GRIP1: variants seen among roughly 807,000 people sequenced by gnomAD.
The protein encoded by GRIP1 is glutamate receptor interacting protein 1, also known as glutamate receptor-interacting protein 1.
GRIP1 carries 45 observed loss-of-function variants against 129.9 expected under a neutral mutation model. The observed-to-expected ratio is 0.35, with a 90% CI of 0.27 to 0.44. GRIP1 has a LOEUF of 0.44. Ranked by LOEUF, GRIP1 falls within the 20% of genes least tolerant of loss-of-function variation. GRIP1 has a pLI of 1.00. For missense variants in GRIP1, 1,196 were observed against 1,396.8 expected (o/e 0.86, Z 2.29); for synonymous variants, 530 against 520.8 (o/e 1.02, Z -0.24).
intron 1 of GRIP1, among the ~76,000 whole-genome samples, chr12:66,887,822 T>A (rs1380575663): frequency 6.6e-6 from 1 of 152,182 alleles, no homozygotes; most frequent in Non-Finnish European, 1.5e-5. Flanking sequence ...AGAAGATATT[T>A]ATTCCTAGAT....
At position 66,432,591 on chromosome 12, in the gene GRIP1, C is replaced by G. The variant is rs776332147; in HGVS notation, c.1725G>C (p.Lys575Asn). Residue 575 changes from lysine to asparagine, a missense_variant, in exon 14 of 25, where the codon AAG becomes AAC. Physicochemically the swap from Lys to Asn is moderately conservative, Grantham distance 94. Around this residue, in one of 5 missense-constraint regions of GRIP1, gnomAD observed 508 missense variants for 587.0 expected, o/e 0.87. Transcript: ENST00000359742. Reference protein sequence around the residue: ...VIPSSGTFHVKLPKKHNVELG... With the variant: ...VIPSSGTFHVNLPKKHNVELG... ...GTTCCACATTGTGCTTCTTAGGCAGCTTTACATGAAATGTTCCACTACTTG... is the reference window on the plus strand; with the variant it reads ...GTTCCACATTGTGCTTCTTAGGCAGGTTTACATGAAATGTTCCACTACTTG... 3.1e-6 allele frequency: 5 copies of G among 1,605,468 alleles called. No individual in the cohort carries two copies. Among genetic ancestry groups the G allele is most frequent in the Non-Finnish European group, 4.3e-6 (5 of 1,173,032 alleles).
chr12:66,639,874 A>C (rs2031767566), intron 1 of GRIP1, among the ~76,000 whole-genome samples: 1 of 152,212 alleles, frequency 6.6e-6, no homozygotes, highest in Non-Finnish European at 1.5e-5. Context: ...ACACTAGTAG[A>C]ATTAAAATAG....
At chr12:66,476,083 G>C (rs1465728730) in intron 7 of GRIP1, among the ~76,000 whole-genome samples, 1 of 152,054 alleles carries the variant, frequency 6.6e-6, no homozygotes, top group Non-Finnish European at 1.5e-5. Flanking sequence ...TCCAGGATCT[G>C]GTTTTTTGAA....
chr12:67,004,417 T>C (rs529745098), intron 1 of GRIP1, among the ~76,000 whole-genome samples: 1 of 152,306 alleles, frequency 6.6e-6, no homozygotes, highest in South Asian at 2.1e-4. Flanking sequence ...ATCACCTGGA[T>C]GGCAAAGTGA....
chr12:67,029,704 G>A (rs946642407), intron 1 of GRIP1, among the ~76,000 whole-genome samples: 1 of 151,400 alleles, frequency 6.6e-6, no homozygotes, highest in Non-Finnish European at 1.5e-5. Context: ...AACTGTTTTT[G>A]GAATAAAAAT....
At chr12:66,441,920 A>G (rs2058481691) in intron 13 of GRIP1, among the ~76,000 whole-genome samples, 1 of 151,844 alleles carries the variant, frequency 6.6e-6, no homozygotes, top group South Asian at 2.1e-4. Context: ...TCCATATCCA[A>G]CCCATAAACA....
chr12:66,670,794 T>C (rs1201002809), intron 1 of GRIP1, among the ~76,000 whole-genome samples: 2 of 152,182 alleles, frequency 1.3e-5, no homozygotes, highest in East Asian at 3.9e-4. Flanking sequence ...GACAGTCAGA[T>C]ATGGTGTCTC....
chr12:66,874,822 C>G (rs781447561), intron 1 of GRIP1, among the ~76,000 whole-genome samples: 1 of 151,956 alleles, frequency 6.6e-6, no homozygotes, highest in Non-Finnish European at 1.5e-5. Flanking sequence ...ATTACTGTTC[C>G]CCAGTGGGAA....
At chr12:66,720,459 A>C (rs1312207284) in intron 1 of GRIP1, among the ~76,000 whole-genome samples, 1 of 152,174 alleles carries the variant, frequency 6.6e-6, no homozygotes, top group South Asian at 2.1e-4. Flanking sequence ...TGGCTGCGTC[A>C]ATTGATTCTT....
At chr12:66,932,048 T>G (rs924576442) in intron 1 of GRIP1, among the ~76,000 whole-genome samples, 2 of 152,156 alleles carry the variant, frequency 1.3e-5, no homozygotes, top group African/African-American at 4.8e-5. Flanking sequence ...TTTTTACAAG[T>G]AATAAGCCAT....
At chr12:66,379,128 T>C in intron 20 of GRIP1, 152 bp downstream of exon 20, 1 of 939,324 alleles carries the variant, frequency 1.1e-6, no homozygotes, top group Non-Finnish European at 1.7e-6. Flanking sequence ...AGGCAGCTTT[T>C]AGAATCCTGC....
At chr12:66,899,362 GA>G (rs915052767) in intron 1 of GRIP1, among the ~76,000 whole-genome samples, 5 of 151,438 alleles carry the variant, frequency 3.3e-5, no homozygotes, top group African/African-American at 9.7e-5. Context: ...TGTCCCATGT[GA>G]AAAAAAATTT....
intron 1 of GRIP1, among the ~76,000 whole-genome samples, chr12:66,975,729 C>T (rs2042141768): frequency 6.6e-6 from 1 of 152,140 alleles, no homozygotes; most frequent in African/African-American, 2.4e-5. Flanking sequence ...AGAGTGTTCC[C>T]ATGATCCAAG....
intron 1 of GRIP1, among the ~76,000 whole-genome samples, chr12:66,677,425 A>G (rs2034388573): frequency 6.6e-6 from 1 of 152,174 alleles, no homozygotes. Flanking sequence ...AGTAAATGCC[A>G]AAATCAGGTC....
At chr12:66,815,738 T>C in intron 1 of GRIP1, among the ~76,000 whole-genome samples, 1 of 151,984 alleles carries the variant, frequency 6.6e-6, no homozygotes, top group South Asian at 2.1e-4. Flanking sequence ...CACTCCAGCC[T>C]GGGCAACAGA....
intron 7 of GRIP1, among the ~76,000 whole-genome samples, chr12:66,475,425 C>T (rs1200629750): frequency 6.6e-6 from 1 of 152,130 alleles, no homozygotes; most frequent in Non-Finnish European, 1.5e-5. Flanking sequence ...ATCAATGAGA[C>T]AGAAAGTTAA....
intron 2 of GRIP1, chr12:66,568,113 A>C: frequency 3.5e-6 from 1 of 285,010 alleles, no homozygotes; most frequent in Non-Finnish European, 7.0e-6. Context: ...TCAGCTACAA[A>C]TTTTACATTG....
At chr12:66,651,262 C>T (rs2032774987) in intron 1 of GRIP1, among the ~76,000 whole-genome samples, 1 of 152,096 alleles carries the variant, frequency 6.6e-6, no homozygotes, top group Non-Finnish European at 1.5e-5. Flanking sequence ...ATTTACATTC[C>T]ATAGTTGAAG....
intron 1 of GRIP1, among the ~76,000 whole-genome samples, chr12:66,686,387 C>T (rs1303685036): frequency 6.6e-6 from 1 of 152,208 alleles, no homozygotes; most frequent in Non-Finnish European, 1.5e-5. Flanking sequence ...ACCAAATACA[C>T]ATTCATCCTG....
Sources: gnomAD v4.1 joint callset for allele counts (sites outside exome capture counted in the v4.1 genomes callset) on GRCh38, gnomAD v4.1.1 for gene constraint, gnomAD v4.1.1 regional missense constraint, MANE v1.5 for transcripts, NCBI Gene and HGNC (gene_info 2026-07-23, HGNC 2026-07-21) for gene names.